CDHR2: variants seen among roughly 807,000 people sequenced by gnomAD.
The protein encoded by CDHR2 is cadherin related family member 2.
CDHR2 carries 104 observed loss-of-function variants against 138.6 expected under a neutral mutation model. The ratio of observed to expected loss-of-function variants is 0.75; its 90% CI spans 0.64 to 0.88. The LOEUF is 0.88. Ranked by LOEUF, CDHR2 falls within the 40% of genes least tolerant of loss-of-function variation. The pLI is 0.00. For synonymous variants in CDHR2, 755 were observed against 742.8 expected (o/e 1.02, Z -0.27); for missense variants, 1,624 against 1,727.6 (o/e 0.94, Z 1.06).
chr5:176,568,885 G>A (rs2113284457), intron 4 of CDHR2, 68 bp downstream of exon 4: 6 of 1,611,170 alleles, frequency 3.7e-6, no homozygotes, highest in South Asian at 2.2e-5. Flanking sequence ...GGGAGCCCGC[G>A]TCCTGGTGGC....
chr5:176,547,078 A>C (rs1324267236), upstream of CDHR2, among the ~76,000 whole-genome samples: 1 of 151,814 alleles, frequency 6.6e-6, no homozygotes, highest in Non-Finnish European at 1.5e-5. Context: ...TCCCGGGTTC[A>C]AGTGAATCTC....
In CDHR2 at chr5:176,595,582, C is replaced by T. The variant is rs774224954; in HGVS notation, c.3843C>T (p.Ser1281=). 10 of 1,612,682 alleles carry T rather than the reference C, an allele frequency of 6.2e-6. No homozygotes were observed. Among genetic ancestry groups the T allele is most frequent in the Middle Eastern group, 1.6e-4 (1 of 6,074 alleles). ...CAGAGCCAGATCCAGAGCCCCTGAGCGTGGTCCTGTTAGGACGGCAGGCAG... is the reference window on the plus strand; with the variant it reads ...CAGAGCCAGATCCAGAGCCCCTGAGTGTGGTCCTGTTAGGACGGCAGGCAG... ...TPPEPDPEPL[S]VVLLGRQAGA... The change falls in exon 32 of 32, where the codon AGC becomes AGT. Residue 1281 remains serine, a synonymous_variant. Coordinates refer to ENST00000261944, the MANE Select transcript of CDHR2 (RefSeq NM_017675.6).
intron 1 of CDHR2, among the ~76,000 whole-genome samples, chr5:176,559,253 TC>T (rs1757912615): frequency 6.6e-6 from 1 of 152,174 alleles, no homozygotes; most frequent in African/African-American, 2.4e-5. Context: ...GAATTAGACT[TC>T]CCTTCTCAAT....
chr5:176,558,841 G>T (rs1021386425), intron 1 of CDHR2, among the ~76,000 whole-genome samples: 28 of 152,300 alleles, frequency 1.8e-4, no homozygotes, highest in Middle Eastern at 3.4e-3. Flanking sequence ...TTTCTACATG[G>T]TATCATAAGT....
intron 20 of CDHR2, among the ~76,000 whole-genome samples, 182 bp downstream of exon 20, chr5:176,586,207 T>C (rs1442215010): frequency 6.6e-6 from 1 of 152,138 alleles, no homozygotes; most frequent in Non-Finnish European, 1.5e-5. Flanking sequence ...TCTTTCCTTT[T>C]TTTCTTGAGA....
At chr5:176,548,760 T>A (rs554095137), upstream of CDHR2, among the ~76,000 whole-genome samples, 49 of 146,568 alleles carry the variant, frequency 3.3e-4, no homozygotes, top group African/African-American at 1.1e-3. Context: ...AATAAATAAT[T>A]AAAAAAAAAA....
intron 3 of CDHR2, chr5:176,567,232 G>C (rs997997796): frequency 2.4e-5 from 7 of 286,196 alleles, no homozygotes; most frequent in Admixed American, 2.2e-4. Context: ...GTAGTGGTGC[G>C]ATCATGCTCA....
At chr5:176,582,799 C>T (rs1438580878) in intron 17 of CDHR2, among the ~76,000 whole-genome samples, 1 of 152,136 alleles carries the variant, frequency 6.6e-6, no homozygotes, top group African/African-American at 2.4e-5. Context: ...GAAACTGAGG[C>T]ACAGAGAGGT....
intron 19 of CDHR2, 82 bp downstream of exon 19, chr5:176,585,097 G>T: frequency 7.0e-7 from 1 of 1,423,272 alleles, no homozygotes; most frequent in South Asian, 1.4e-5. Flanking sequence ...AACTCACAAG[G>T]TCTGGGCTCA....
At chr5:176,559,079 TGGC>T (rs1354237667) in intron 1 of CDHR2, among the ~76,000 whole-genome samples, 1 of 152,178 alleles carries the variant, frequency 6.6e-6, no homozygotes, top group Non-Finnish European at 1.5e-5. Flanking sequence ...CCTTATAACA[TGGC>T]GGCCTCAGGG....
chr5:176,570,316 T>A (rs940585594), intron 5 of CDHR2, among the ~76,000 whole-genome samples: 1 of 152,216 alleles, frequency 6.6e-6, no homozygotes, highest in African/African-American at 2.4e-5. Flanking sequence ...AACGTGCACA[T>A]TCCCGTGATA....
chr5:176,570,051 T>C (rs967058629), intron 5 of CDHR2, among the ~76,000 whole-genome samples: 1 of 152,214 alleles, frequency 6.6e-6, no homozygotes, highest in African/African-American at 2.4e-5. Context: ...ACTGTATGCT[T>C]TGACACTTCT....
Position 176,581,393 on chromosome 5 carries a change from C to A in CDHR2, c.1869C>A (p.Asn623Lys), listed in dbSNP as rs376540101. 6.3e-5 allele frequency: 102 copies of A among 1,614,026 alleles called. No individual in the cohort carries two copies. The highest frequency in any genetic ancestry group is 8.2e-5 in the Non-Finnish European group (97 of 1,180,036). Reference sequence around the variant, plus strand: ...CCAACAACAGCCGTCTGCTCTTCAACCTGCTGCCTGGCCCCTACAGCCACA... The same window carrying A: ...CCAACAACAGCCGTCTGCTCTTCAAACTGCTGCCTGGCCCCTACAGCCACA... The part of the protein sequence containing the change: ...PGTNNSRLLF[N>K]LLPGPYSHNF... The change falls in exon 17 of 32, where the codon AAC becomes AAA. Residue 623 changes from asparagine (N) to lysine (K), a missense_variant. This residue lies in a region of CDHR2 where 1,061 missense variants were observed against 1,136.6 expected (regional missense o/e 0.93). Transcript: ENST00000261944.
chr5:176,571,612 C>T (rs1758233268), intron 6 of CDHR2, among the ~76,000 whole-genome samples: 1 of 152,164 alleles, frequency 6.6e-6, no homozygotes, highest in Admixed American at 6.5e-5. Context: ...TCTCGGCTCA[C>T]TGCAAGCTCC....
At chr5:176,574,336 C>T (rs996188788) in intron 7 of CDHR2, among the ~76,000 whole-genome samples, 164 bp downstream of exon 7, 1 of 152,216 alleles carries the variant, frequency 6.6e-6, no homozygotes, top group Non-Finnish European at 1.5e-5. Context: ...CCCCGGAAAC[C>T]TCGCCTTGCC....
At chr5:176,593,725 C>T (rs1441956430) in intron 31 of CDHR2, among the ~76,000 whole-genome samples, 1 of 152,226 alleles carries the variant, frequency 6.6e-6, no homozygotes, top group Non-Finnish European at 1.5e-5. Context: ...AACCTGACTT[C>T]ATGGTTCAGA....
upstream of CDHR2, among the ~76,000 whole-genome samples, chr5:176,547,171 G>A (rs1468364192): frequency 6.6e-6 from 1 of 152,064 alleles, no homozygotes; most frequent in Non-Finnish European, 1.5e-5. Context: ...CAGAGACAGG[G>A]TTTTACCATT....
chr5:176,552,716 C>T (rs368485078), intron 1 of CDHR2, among the ~76,000 whole-genome samples: 19 of 152,180 alleles, frequency 1.2e-4, no homozygotes, highest in African/African-American at 4.3e-4. Flanking sequence ...GGCAGGACTG[C>T]GAGAAACCCG....
At chr5:176,570,316 T>TG in intron 5 of CDHR2, among the ~76,000 whole-genome samples, 1 of 152,216 alleles carries the variant, frequency 6.6e-6, no homozygotes, top group Non-Finnish European at 1.5e-5. Context: ...AACGTGCACA[T>TG]TCCCGTGATA....
Sources: gnomAD v4.1 joint callset for allele counts (sites outside exome capture counted in the v4.1 genomes callset) on GRCh38, gnomAD v4.1.1 for gene constraint, gnomAD v4.1.1 regional missense constraint, MANE v1.5 for transcripts, NCBI Gene and HGNC (gene_info 2026-07-23, HGNC 2026-07-21) for gene names.